The following LAPTM4B variants were observed in gnomAD, a reference collection of about 807,000 sequenced individuals.
The protein encoded by LAPTM4B is lysosomal protein transmembrane 4 beta, also known as lysosomal-associated transmembrane protein 4B.
A neutral mutation model predicts 28.5 loss-of-function variants in LAPTM4B; 26 were observed. The observed-to-expected ratio is 0.91, with a 90% CI of 0.67 to 1.27. The LOEUF (loss-of-function observed/expected upper bound fraction) is 1.27. LAPTM4B is among the 50% of genes most tolerant of loss of function. The pLI is 0.00. For synonymous variants in LAPTM4B, 109 were observed against 106.4 expected, an observed-to-expected ratio of 1.02 and a Z score of -0.15; for missense variants, 288 against 285.8, an observed-to-expected ratio of 1.01 and a Z score of -0.06.
chr8:97,811,430 GATGAA>G (rs1350149595), intron 2 of LAPTM4B, among the ~76,000 whole-genome samples: 1 of 152,188 alleles, frequency 6.6e-6, no homozygotes, highest in Non-Finnish European at 1.5e-5. Context: ...AGCAATCAGA[GATGAA>G]ATGATATAAG....
intron 1 of LAPTM4B, among the ~76,000 whole-genome samples, chr8:97,776,326 C>T (rs973398076): frequency 2.6e-5 from 4 of 152,230 alleles, no homozygotes; most frequent in Non-Finnish European, 5.9e-5. Flanking sequence ...AGGCCAGGGG[C>T]GCGGGGCGGA....
intron 6 of LAPTM4B, among the ~76,000 whole-genome samples, chr8:97,833,869 T>C (rs529135239): frequency 6.6e-6 from 1 of 152,300 alleles, no homozygotes; most frequent in East Asian, 1.9e-4. Flanking sequence ...AGAATATTTG[T>C]ATAAAGAGAA....
chr8:97,810,349 T>C (rs1459824764), intron 2 of LAPTM4B, among the ~76,000 whole-genome samples: 2 of 151,870 alleles, frequency 1.3e-5, no homozygotes, highest in Non-Finnish European at 2.9e-5. Context: ...AAAAGGACAT[T>C]GAAGGGGAAC....
chr8:97,829,884 A>G (rs1296486417), intron 6 of LAPTM4B, among the ~76,000 whole-genome samples: 2 of 151,988 alleles, frequency 1.3e-5, no homozygotes, highest in South Asian at 2.1e-4. Flanking sequence ...TTTGGTAGAG[A>G]TGGGGTTTCA....
chr8:97,794,927 G>T lies in LAPTM4B; in HGVS notation c.100-10426G>T, dbSNP rs147007314. ...AGGTTTGACCATGTTGTGCAGGTTG[G>T]TCTCAAACTCCTGACCTCAGGTGAT... On this transcript the variant is annotated intron_variant, in intron 1 of 6. Transcript: ENST00000521545. 2.4e-3 allele frequency among the ~76,000 whole-genome samples: 363 copies of T among 152,056 alleles called. 2 individuals carry two copies. The highest frequency in any genetic ancestry group is 8.2e-3 in the African/African-American group (341 of 41,464).
intron 1 of LAPTM4B, among the ~76,000 whole-genome samples, chr8:97,785,498 A>C (rs915098585): frequency 6.6e-6 from 1 of 152,122 alleles, no homozygotes; most frequent in Non-Finnish European, 1.5e-5. Flanking sequence ...TCGACCTAAA[A>C]GGAAGAAGCT....
chr8:97,847,860 A>AG (rs1451205347), intron 6 of LAPTM4B, among the ~76,000 whole-genome samples: 4 of 152,246 alleles, frequency 2.6e-5, no homozygotes, highest in Non-Finnish European at 4.4e-5. Context: ...AGTGAAAACA[A>AG]GGGAGGGTGT....
At chr8:97,850,119 ATCT>A (rs972506659) in intron 6 of LAPTM4B, among the ~76,000 whole-genome samples, 2 of 151,846 alleles carry the variant, frequency 1.3e-5, no homozygotes, top group African/African-American at 2.4e-5. Context: ...CCGTACTTCA[ATCT>A]TCTTATCCAT....
At chr8:97,781,617 C>G (rs1199014125) in intron 1 of LAPTM4B, among the ~76,000 whole-genome samples, 1 of 152,118 alleles carries the variant, frequency 6.6e-6, no homozygotes, top group Admixed American at 6.6e-5. Context: ...TTGACAAATG[C>G]CTCTGTAATG....
In LAPTM4B at chr8:97,802,914, A is replaced by G. The variant is rs1020782842; in HGVS notation, c.100-2439A>G. Among the ~76,000 whole-genome samples the G allele has an allele frequency of 2.0e-5, 3 of 152,130 alleles. No individual in the cohort carries two copies. The East Asian group carries it at 5.8e-4, about 29-fold the overall frequency. The stretch of plus-strand genomic sequence containing the variant: ...GGAAAATACAGGAAGAAAAAAAGTT[A>G]TTCCGGCCAGGCACGGTGCCTCACG... On this transcript the variant is annotated intron_variant, in intron 1 of 6. Transcript: ENST00000521545.
At chr8:97,831,900 G>T (rs1312206716) in intron 6 of LAPTM4B, among the ~76,000 whole-genome samples, 3 of 152,152 alleles carry the variant, frequency 2.0e-5, no homozygotes, top group Non-Finnish European at 4.4e-5. Flanking sequence ...GCAGTTTTAA[G>T]GAGAGCCTTT....
chr8:97,791,084 T>A (rs1206577031), intron 1 of LAPTM4B, among the ~76,000 whole-genome samples: 1 of 152,134 alleles, frequency 6.6e-6, no homozygotes, highest in Non-Finnish European at 1.5e-5. Flanking sequence ...CAAATTATTG[T>A]TTGTAGAAAC....
chr8:97,831,298 C>A (rs1817179839), intron 6 of LAPTM4B, among the ~76,000 whole-genome samples: 1 of 152,286 alleles, frequency 6.6e-6, no homozygotes, highest in Non-Finnish European at 1.5e-5. Context: ...TTTTCTGTCC[C>A]TGTAGGAAAG....
chr8:97,792,780 G>T (rs778385403), intron 1 of LAPTM4B, among the ~76,000 whole-genome samples: 2 of 151,978 alleles, frequency 1.3e-5, no homozygotes, highest in Non-Finnish European at 2.9e-5. Flanking sequence ...ATTTCACCAT[G>T]TTGGCCAGGC....
At chr8:97,810,033 G>A (rs1311987694) in intron 2 of LAPTM4B, among the ~76,000 whole-genome samples, 1 of 152,112 alleles carries the variant, frequency 6.6e-6, no homozygotes, top group African/African-American at 2.4e-5. Flanking sequence ...GGGCTCAAGC[G>A]ATTCTCCCAC....
At chr8:97,846,358 C>G (rs1255538839) in intron 6 of LAPTM4B, among the ~76,000 whole-genome samples, 1 of 128,942 alleles carries the variant, frequency 7.8e-6, no homozygotes, top group African/African-American at 2.9e-5. Context: ...GATGGAGTTT[C>G]GCTCTTGTTG....
At chr8:97,807,056 A>T (rs968662087) in intron 2 of LAPTM4B, among the ~76,000 whole-genome samples, 2 of 151,814 alleles carry the variant, frequency 1.3e-5, no homozygotes, top group East Asian at 3.9e-4. Flanking sequence ...GTCCAGTTAA[A>T]CCTCTTTTTC....
At chr8:97,814,666 G>A (rs1816877752) in intron 2 of LAPTM4B, among the ~76,000 whole-genome samples, 1 of 152,114 alleles carries the variant, frequency 6.6e-6, no homozygotes, top group Admixed American at 6.6e-5. Context: ...GAACATCAAG[G>A]CCTTGATAAG....
In LAPTM4B at chr8:97,851,782, G is replaced by T. The variant is rs1817527753; in HGVS notation, c.*308G>T. The T allele has an allele frequency of 6.4e-6, 2 of 312,348 alleles. No individual in the cohort carries two copies. The highest frequency in any genetic ancestry group is 2.0e-4 in the South Asian group (2 of 9,982). 19.3% of individuals were successfully genotyped at this position (312,348 alleles called of 1,614,324 possible). The stretch of plus-strand genomic sequence containing the variant: ...AGAAGTCTGCTTTTGTACCTGCTGG[G>T]CCCCAAAGTTGGGCATTTTTCTCTC... On this transcript the variant is annotated 3_prime_UTR_variant, in exon 7 of 7. Coordinates refer to ENST00000521545, the MANE Select transcript of LAPTM4B (RefSeq NM_018407.6).
Sources: allele counts gnomAD v4.1 joint callset (sites outside exome capture counted in the v4.1 genomes callset), GRCh38; gene constraint gnomAD v4.1.1; transcripts MANE v1.5; gene names NCBI Gene and HGNC (gene_info 2026-07-23, HGNC 2026-07-21).